CDAN1: variants seen among roughly 807,000 people sequenced by gnomAD.
The protein encoded by CDAN1 is codanin-1.
A neutral mutation model predicts 139.8 loss-of-function variants in CDAN1; 107 were observed. The observed-to-expected ratio is 0.77, with a 90% confidence interval of 0.65 to 0.90. The LOEUF (loss-of-function observed/expected upper bound fraction) is 0.90. CDAN1 is among the 40% of genes least tolerant of loss of function. The pLI is 0.00. For missense variants in CDAN1, 1,667 were observed against 1,575.7 expected, an observed-to-expected ratio of 1.06 and a Z score of -0.98; for synonymous variants, 776 against 660.6, an observed-to-expected ratio of 1.17 and a Z score of -2.68.
At chr15:42,726,576 G>A (rs1431589365) in intron 23 of CDAN1, 159 bp from the exon 24 acceptor site, 1 of 624,176 alleles carries the variant, frequency 1.6e-6, no homozygotes, top group Non-Finnish European at 2.9e-6. Context: ...GACTTGGGCA[G>A]GATAATACAG....
In CDAN1 at chr15:42,727,627, C is replaced by T. The variant is rs2061547130; in HGVS notation, c.3090G>A (p.Glu1030=). 1.3e-6 allele frequency: 2 copies of T among 1,571,544 alleles called. No individual in the cohort carries two copies. The highest frequency in any genetic ancestry group is 1.7e-6 in the Non-Finnish European group (2 of 1,155,020). ...GAGTAGGGTAGCCGTGTACTTTTAT[C>T]TCGGAGATGAGGTGGGAGGGGAGGG... ...HAPLPSHLIS[E]IKDVLSLAVG... Residue 1030 remains glutamate (E), a synonymous_variant, in exon 23 of 28, where the codon GAG becomes GAA. Coordinates refer to ENST00000356231, the MANE Select transcript of CDAN1 (RefSeq NM_138477.4).
At position 42,732,425 on chromosome 15, in the gene CDAN1, A is replaced by G. The variant is rs751307054; in HGVS notation, c.1458-17T>C. The G allele has an allele frequency of 1.1e-5, 17 of 1,610,160 alleles. No homozygotes were observed. The highest frequency in any genetic ancestry group is 1.7e-5 in the Admixed American group (1 of 59,986). Reference sequence around the variant, plus strand: ...ATCATGGCCCTGAGGAATAGAAGGCAGGAATGAAGGGTGTGGAAAGGAGGG... The same window carrying G: ...ATCATGGCCCTGAGGAATAGAAGGCGGGAATGAAGGGTGTGGAAAGGAGGG... On this transcript the variant is annotated splice_polypyrimidine_tract_variant and intron_variant, in intron 9 of 27. Coordinates refer to ENST00000356231, the MANE Select transcript of CDAN1 (RefSeq NM_138477.4).
At chr15:42,729,459 G>C (rs2061579883) in intron 17 of CDAN1, 97 bp from the exon 18 acceptor site, 8 of 1,599,692 alleles carry the variant, frequency 5.0e-6, no homozygotes, top group Non-Finnish European at 6.9e-6. Context: ...CAGATACCCA[G>C]GAATGACTAT....
chr15:42,729,404 CCCCT>C (rs777592871), intron 17 of CDAN1, 42 bp from the exon 18 acceptor site: 16 of 1,613,152 alleles, frequency 9.9e-6, no homozygotes, highest in Admixed American at 6.7e-5. Context: ...AGAACCCTCT[CCCCT>C]CCCTAAGTAT....
In CDAN1 at chr15:42,737,041, C is replaced by A. The variant is rs1173314012; in HGVS notation, c.62G>T (p.Trp21Leu). ...EEVSVAAVVR[W>L]IARSTQGSED... ...CGAACCCTGGGTGCTGCGCGCGATCCACCGCACGACGGCTGCGACCGACAC... is the reference window on the plus strand; with the variant it reads ...CGAACCCTGGGTGCTGCGCGCGATCAACCGCACGACGGCTGCGACCGACAC... The change falls in exon 1 of 28, where the codon TGG (tryptophan) becomes TTG (leucine). Residue 21 changes from tryptophan (W) to leucine (L), a missense_variant. Physicochemically the swap from Trp to Leu is moderately conservative, Grantham distance 61. This residue lies in a region of CDAN1 where 487 missense variants were observed against 422.2 expected (regional missense o/e 1.15). Coordinates refer to ENST00000356231, the MANE Select transcript of CDAN1 (RefSeq NM_138477.4). The A allele has an allele frequency of 1.9e-6, 3 of 1,548,952 alleles. No homozygotes were observed. The highest frequency in any genetic ancestry group is 2.4e-5 in the East Asian group (1 of 40,878).
In CDAN1 at chr15:42,724,288, A is replaced by T; in HGVS notation, c.*203T>A. The T allele has an allele frequency of 1.6e-6, 1 of 641,564 alleles. No individual in the cohort carries two copies. Among genetic ancestry groups the T allele is most frequent in the Non-Finnish European group, 2.7e-6 (1 of 372,754 alleles). The allele number at this position is 641,564 out of a possible 1,614,324, so 39.7% of individuals were successfully genotyped here. ...ACTGGCATCTCTGGACTTTTCTGCC[A>T]TAATCCCAAATCAGGCCAACTCTCC... On this transcript the variant is annotated 3_prime_UTR_variant, in exon 28 of 28. Coordinates refer to ENST00000356231, the MANE Select transcript of CDAN1 (RefSeq NM_138477.4).
rs1254587711 is a variant in CDAN1, at chr15:42,734,420, C to T, written c.1137-74G>A. 8 of 1,588,332 alleles carry T rather than the reference C, an allele frequency of 5.0e-6. No homozygotes were observed. The Admixed American group carries it at 6.7e-5, about 13-fold the overall frequency. ...GTAGGAAGCAAGCACCTGCACACCACAGAGGATCTCTAAGGCATGGCGCAG... is the reference window on the plus strand; with the variant it reads ...GTAGGAAGCAAGCACCTGCACACCATAGAGGATCTCTAAGGCATGGCGCAG... On this transcript the variant is annotated intron_variant, in intron 6 of 27. Transcript: ENST00000356231.
chr15:42,733,328 G>T (rs1480896845), intron 8 of CDAN1, 142 bp from the exon 9 acceptor site: 14 of 726,590 alleles, frequency 1.9e-5, no homozygotes, highest in Non-Finnish European at 3.2e-5. Context: ...AGGCTGGATT[G>T]CAATGACGCG....
chr15:42,727,724 C>T lies in CDAN1; in HGVS notation c.2993G>A (p.Arg998Gln), dbSNP rs764269200. 6 of 1,584,796 alleles carry T rather than the reference C, an allele frequency of 3.8e-6. No individual in the cohort carries two copies. Among genetic ancestry groups the T allele is most frequent in the Non-Finnish European group, 5.2e-6 (6 of 1,161,738 alleles). The change falls in exon 23 of 28, where the codon CGA becomes CAA. Residue 998 changes from arginine to glutamine, a missense_variant. Transcript: ENST00000356231. ...EVKAAVSRTLRAQGPEPAARG... is the reference protein window; with the variant it reads ...EVKAAVSRTLQAQGPEPAARG... ...GGCAGCAGGTTCAGGACCCTGGGCT[C>T]GAAGTGTGCGACTCACTGCTGCTTT...
Position 42,733,248 on chromosome 15 carries a change from TG to T in CDAN1, c.1368-63del. On this transcript the variant is annotated intron_variant, in intron 8 of 27. Coordinates refer to ENST00000356231, the MANE Select transcript of CDAN1 (RefSeq NM_138477.4). The stretch of plus-strand genomic sequence containing the variant: ...ACTCCCACCAGTGCCTTCCTGCCCC[TG>T]GAAGAACTATCCGTAGCCCACCCAC... The T allele has an allele frequency of 5.1e-6, 7 of 1,373,800 alleles. 1 individual carries two copies. The highest frequency in any genetic ancestry group is 2.3e-5 in the South Asian group (2 of 86,272). 85.1% of individuals were successfully genotyped at this position (1,373,800 alleles called of 1,614,324 possible).
chr15:42,735,798 AAATC>A (rs2061679592), intron 3 of CDAN1, 73 bp downstream of exon 3: 1 of 1,593,768 alleles, frequency 6.3e-7, no homozygotes, highest in East Asian at 2.2e-5. Flanking sequence ...CCCAAGAGGG[AAATC>A]AATTTCAGGG....
rs2061599348 is a variant in CDAN1 at position 42,730,695 on chromosome 15, C to T, written c.2077G>A (p.Val693Met). The T allele has an allele frequency of 1.9e-6, 3 of 1,613,836 alleles. No individual in the cohort carries two copies. Among genetic ancestry groups the T allele is most frequent in the East Asian group, 2.2e-5 (1 of 44,880 alleles). Residue 693 changes from valine to methionine, a missense_variant, in exon 14 of 28, where the codon GTG (valine) becomes ATG (methionine). Physicochemically the swap from Val to Met is conservative, Grantham distance 21 (BLOSUM62 1). This residue lies in a region of CDAN1 where 936 missense variants were observed against 844.1 expected (regional missense o/e 1.11). Coordinates refer to ENST00000356231, the MANE Select transcript of CDAN1 (RefSeq NM_138477.4). ...GLQARRAVLT[V>M]PWLVEFLSFA... ...GAGAGAAACTCCACCAGCCAGGGCA[C>T]GGTGAGCACCGCCCGGCGGGCCTGC...
Position 42,736,778 on chromosome 15 carries a change from A to G in CDAN1, c.93T>C (p.Asp31=), listed in dbSNP as rs1377681427. The part of the protein sequence containing the change: ...WIARSTQGSE[D]NAGEAAALSS... Reference sequence around the variant, plus strand: ...TCAGCGCGGCCGCCTCCCCAGCGTTATCCTAGGGCAGAAGCACAGGTGGAG... The same window carrying G: ...TCAGCGCGGCCGCCTCCCCAGCGTTGTCCTAGGGCAGAAGCACAGGTGGAG... The change falls in exon 2 of 28, where the codon GAT becomes GAC. Residue 31 remains aspartate, a splice_region_variant and synonymous_variant. Coordinates refer to ENST00000356231, the MANE Select transcript of CDAN1 (RefSeq NM_138477.4). The G allele has an allele frequency of 2.0e-6, 3 of 1,534,544 alleles. No homozygotes were observed. In the Admixed American group the frequency reaches 6.1e-5, roughly 31 times the overall value.
In CDAN1 at chr15:42,734,043, G is replaced by C. The variant is rs557155897; in HGVS notation, c.1262C>G (p.Ser421Cys). ...TTGAGTAGAGGGAGGCATCACCAGA[G>C]AGACCTAAAATACAGCAGGAACGTT... ...AAYEGSVAKV[S>C]LVMPPSTQAV... is the part of the protein sequence containing the mutation. The change falls in exon 8 of 28, where the codon TCT becomes TGT. Residue 421 changes from serine to cysteine, a missense_variant. Ser to Cys is a moderately radical substitution (Grantham distance 112). Transcript: ENST00000356231. The C allele has an allele frequency of 6.3e-5, 102 of 1,613,200 alleles. No individual in the cohort carries two copies. The South Asian group carries it at 1.1e-3, about 17-fold the overall frequency.
intron 22 of CDAN1, 79 bp downstream of exon 22, chr15:42,727,876 G>T: frequency 6.3e-7 from 1 of 1,596,942 alleles, no homozygotes; most frequent in South Asian, 1.1e-5. Context: ...CAGTCCCATC[G>T]CCCACAAGAT....
At chr15:42,725,296 T>C (rs1412137989) in intron 26 of CDAN1, 45 bp from the exon 27 acceptor site, 1 of 1,561,348 alleles carries the variant, frequency 6.4e-7, no homozygotes, top group Admixed American at 1.7e-5. Context: ...GACGACAGAG[T>C]GACCCTGATG....
chr15:42,728,214 G>C lies in CDAN1; in HGVS notation c.2858C>G (p.Thr953Ser), dbSNP rs1422928927. ...GAVRALLPEE[T>S]PAAVLSSAEN... The stretch of plus-strand genomic sequence containing the variant: ...CTCCCTCACACGTACGGCTGCCGGG[G>C]TCTCCTCTGGAAGCAGCGCCCGCAC... The change falls in exon 21 of 28, where the codon ACC (threonine) becomes AGC (serine). Residue 953 changes from threonine to serine, a missense_variant. This residue lies in a region of CDAN1 where 936 missense variants were observed against 844.1 expected (regional missense o/e 1.11). Transcript: ENST00000356231. The C allele has an allele frequency of 6.2e-7, 1 of 1,613,744 alleles. No individual in the cohort carries two copies. The highest frequency in any genetic ancestry group is 1.1e-5 in the South Asian group (1 of 91,082).
chr15:42,736,589 G>A lies in CDAN1; in HGVS notation c.282C>T (p.Arg94=). 6.7e-7 allele frequency: 1 copy of A among 1,497,018 alleles called. No homozygotes were observed. Among genetic ancestry groups the A allele is most frequent in the South Asian group, 1.3e-5 (1 of 79,502 alleles). 92.7% of individuals were successfully genotyped at this position (1,497,018 alleles called of 1,614,324 possible). A position where few individuals can be genotyped will look rare whatever the true frequency, so the allele number is the denominator to read the frequency against. ...GRPGGPPRGS[R]GARSQLFPPT... is the part of the protein sequence containing the mutation. ...GAGGGAAAAGCTGGCTGCGCGCCCC[G>A]CGGCTACCCCGCGGCGGGCCTCCCG... Residue 94 remains arginine (R), a synonymous_variant, in exon 2 of 28, where the codon CGC becomes CGT. Transcript: ENST00000356231.
chr15:42,733,751 G>A (rs1172292564), intron 8 of CDAN1, among the ~76,000 whole-genome samples, 187 bp downstream of exon 8: 1 of 152,176 alleles, frequency 6.6e-6, no homozygotes, highest in Non-Finnish European at 1.5e-5. Flanking sequence ...CTTGCTAAGC[G>A]CCGGGGTTCA....
Sources: gnomAD v4.1 joint callset for allele counts (sites outside exome capture counted in the v4.1 genomes callset) on GRCh38, gnomAD v4.1.1 for gene constraint, gnomAD v4.1.1 regional missense constraint, MANE v1.5 for transcripts, NCBI Gene and HGNC (gene_info 2026-07-23, HGNC 2026-07-21) for gene names.